Variants in DNAH6 observed in about 807,000 individuals in gnomAD.
DNAH6 encodes axonemal beta dynein heavy chain 6.
DNAH6 carries 340 observed loss-of-function variants against 491.4 expected under a neutral mutation model. That is an observed-to-expected ratio of 0.69 (90% CI 0.63 to 0.76). The LOEUF (loss-of-function observed/expected upper bound fraction) is 0.76, where lower values mean the gene tolerates loss of function less well. Among genes scored for constraint, DNAH6 ranks in the 30% least tolerant of loss-of-function variants. The pLI, the probability that DNAH6 is intolerant of heterozygous loss-of-function variation, is 0.00. For missense variants in DNAH6, 4,443 were observed against 4,972.2 expected (o/e 0.89, Z 3.20); for synonymous variants, 1,603 against 1,686.1 (o/e 0.95, Z 1.21).
intron 75 of DNAH6, 109 bp from the exon 76 acceptor site, chr2:84,815,752 T>C: frequency 2.6e-6 from 2 of 768,842 alleles, no homozygotes; most frequent in Non-Finnish European, 4.2e-6. Context: ...CAGCAATGTA[T>C]AGAGTGTTTT....
chr2:84,687,841 A>C lies in DNAH6; in HGVS notation c.7138-598A>C, dbSNP rs191810257. ...AACCCTAAATGACTGCTATTTAAAA[A>C]CTACAAATAGTTCTGGCATGATTTT... is the stretch of plus-strand genomic sequence containing the variant. On this transcript the variant is annotated intron_variant, in intron 44 of 76. Coordinates refer to ENST00000389394, the MANE Select transcript of DNAH6 (RefSeq NM_001370.2). Among the ~76,000 whole-genome samples, 152 of 152,312 alleles carry C rather than the reference A, an allele frequency of 1.0e-3. 1 individual carries two copies. Among genetic ancestry groups the C allele is most frequent in the African/African-American group, 3.5e-3 (147 of 41,560 alleles).
intron 2 of DNAH6, 101 bp from the exon 3 acceptor site, chr2:84,525,464 A>G: frequency 8.6e-7 from 1 of 1,163,268 alleles, no homozygotes; most frequent in South Asian, 1.5e-5. Context: ...TAGTCCAAGG[A>G]GATCAATTTC....
chr2:84,693,723 A>G (rs937943951), intron 45 of DNAH6, among the ~76,000 whole-genome samples: 18 of 150,604 alleles, frequency 1.2e-4, no homozygotes, highest in African/African-American at 4.5e-4. Context: ...GCAACAGAGC[A>G]AGACTCTATC....
At chr2:84,512,138 T>C (rs1270195538), upstream of DNAH6, among the ~76,000 whole-genome samples, 3 of 152,244 alleles carry the variant, frequency 2.0e-5, no homozygotes, top group Non-Finnish European at 4.4e-5. Context: ...TTCTCAATTA[T>C]TCTATTTCCT....
the DNAH6 span, among the ~76,000 whole-genome samples, chr2:84,471,577 T>G: frequency 6.6e-6 from 1 of 152,080 alleles, no homozygotes; most frequent in South Asian, 2.1e-4. Flanking sequence ...GTGACTCTGG[T>G]CGGTCCTCAT....
the DNAH6 span, among the ~76,000 whole-genome samples, chr2:84,500,978 T>C: frequency 6.6e-6 from 1 of 152,194 alleles, no homozygotes; most frequent in Non-Finnish European, 1.5e-5. Context: ...CAAAGAAGGA[T>C]AATTTGACTT....
chr2:84,653,574 A>G lies in DNAH6; in HGVS notation c.5334A>G (p.Ile1778Met). ...TAGGGAATTTACAAAAACTTGGGAT[A>G]GAAAATTCCTTTTACCAAGCAGTTA... Reference protein sequence around the residue: ...ETLGNLQKLGIENSFYQAVKT... With the variant: ...ETLGNLQKLGMENSFYQAVKT... The change falls in exon 34 of 77, where the codon ATA becomes ATG. Residue 1778 changes from isoleucine (I) to methionine (M), a missense_variant. By Grantham distance (10) the Ile-to-Met change is conservative. Coordinates refer to ENST00000389394, the MANE Select transcript of DNAH6 (RefSeq NM_001370.2). 6.4e-7 allele frequency: 1 copy of G among 1,551,380 alleles called. No individual in the cohort carries two copies. The highest frequency in any genetic ancestry group is 1.2e-5 in the South Asian group (1 of 84,062).
At chr2:84,607,746 CTCA>C (rs1467075647) in intron 21 of DNAH6, among the ~76,000 whole-genome samples, 3 of 152,178 alleles carry the variant, frequency 2.0e-5, no homozygotes, top group Non-Finnish European at 2.9e-5. Flanking sequence ...CCTTCAGTGA[CTCA>C]TCATCTTTTG....
chr2:84,471,054 T>C, the DNAH6 span, among the ~76,000 whole-genome samples: 1 of 152,146 alleles, frequency 6.6e-6, no homozygotes, highest in Non-Finnish European at 1.5e-5. Flanking sequence ...ACAATTGATC[T>C]AGGAGCCTGG....
intron 2 of DNAH6, among the ~76,000 whole-genome samples, chr2:84,520,056 T>C (rs1675998189): frequency 6.6e-6 from 1 of 152,186 alleles, no homozygotes; most frequent in South Asian, 2.1e-4. Context: ...CAAGTTGTTT[T>C]GCCAGTATTT....
chr2:84,774,367 T>C (rs1675923527), intron 64 of DNAH6, among the ~76,000 whole-genome samples: 1 of 152,168 alleles, frequency 6.6e-6, no homozygotes, highest in South Asian at 2.1e-4. Context: ...AAAGATGAGA[T>C]GACTGTAGGT....
chr2:84,551,146 T>C (rs1356341397), intron 9 of DNAH6, among the ~76,000 whole-genome samples: 1 of 152,180 alleles, frequency 6.6e-6, no homozygotes, highest in Non-Finnish European at 1.5e-5. Context: ...AATTATGCAA[T>C]ACACAACCTG....
At position 84,547,407 on chromosome 2, in the gene DNAH6, C is replaced by T; in HGVS notation, c.1065+5C>T. 2 of 1,551,630 alleles carry T rather than the reference C, an allele frequency of 1.3e-6. No homozygotes were observed. The highest frequency in any genetic ancestry group is 8.7e-7 in the Non-Finnish European group (1 of 1,146,914). Reference sequence around the variant, plus strand: ...CAAGTCATACGGCTAGCAGAGGTAACAAATTTTGTCTATAAGAATCAAAGC... The same window carrying T: ...CAAGTCATACGGCTAGCAGAGGTAATAAATTTTGTCTATAAGAATCAAAGC... On this transcript the variant is annotated splice_donor_5th_base_variant and intron_variant, in intron 6 of 76. Coordinates refer to ENST00000389394, the MANE Select transcript of DNAH6 (RefSeq NM_001370.2).
At chr2:84,689,139 T>C (rs1366941513) in intron 45 of DNAH6, among the ~76,000 whole-genome samples, 1 of 152,212 alleles carries the variant, frequency 6.6e-6, no homozygotes, top group Non-Finnish European at 1.5e-5. Flanking sequence ...AAAATGATCC[T>C]TCCAGGATAA....
At chr2:84,544,649 G>A (rs761825031) in intron 5 of DNAH6, 149 bp downstream of exon 5, 28 of 586,042 alleles carry the variant, frequency 4.8e-5, no homozygotes, top group Non-Finnish European at 1.4e-5. Context: ...TGTCATTTAG[G>A]AGTCTAGCAA....
chr2:84,604,672 C>A, intron 19 of DNAH6, 121 bp downstream of exon 19: 2 of 715,062 alleles, frequency 2.8e-6, no homozygotes, highest in Non-Finnish European at 2.3e-6. Context: ...CATTATCAGT[C>A]ATCCCTCTGT....
chr2:84,635,670 C>G (rs563128485), intron 30 of DNAH6, among the ~76,000 whole-genome samples: 1 of 152,250 alleles, frequency 6.6e-6, no homozygotes, highest in South Asian at 2.1e-4. Flanking sequence ...ACAGAGGAGA[C>G]AGGAGAGCAT....
Position 84,699,618 on chromosome 2 carries a change from G to C in DNAH6, c.7702G>C (p.Val2568Leu), listed in dbSNP as rs1260693576. Residue 2568 changes from valine (V) to leucine (L), a missense_variant, in exon 48 of 77, where the codon GTG becomes CTG. Physicochemically the swap from Val to Leu is conservative, Grantham distance 32. Around this residue, in one of 3 missense-constraint regions of DNAH6, gnomAD observed 2,977 missense variants for 3,296.6 expected, o/e 0.90. Coordinates refer to ENST00000389394, the MANE Select transcript of DNAH6 (RefSeq NM_001370.2). ...DEVFQYFISK[V>L]RQKLHIVLCM... ...GGTGTTTCAATACTTTATCAGCAAAGTGCGTCAGAAGCTGCACATTGTTCT... is the reference window on the plus strand; with the variant it reads ...GGTGTTTCAATACTTTATCAGCAAACTGCGTCAGAAGCTGCACATTGTTCT... 11 of 1,550,818 alleles carry C rather than the reference G, an allele frequency of 7.1e-6. No homozygotes were observed. Among genetic ancestry groups the C allele is most frequent in the Non-Finnish European group, 9.6e-6 (11 of 1,146,820 alleles).
upstream of DNAH6, among the ~76,000 whole-genome samples, chr2:84,511,662 G>A (rs774461103): frequency 4.6e-5 from 7 of 152,146 alleles, no homozygotes; most frequent in South Asian, 2.1e-4. Context: ...CTTCTGTATC[G>A]CTCACGCTGG....
Sources: gnomAD v4.1 joint callset for allele counts (sites outside exome capture counted in the v4.1 genomes callset) on GRCh38, gnomAD v4.1.1 for gene constraint, gnomAD v4.1.1 regional missense constraint, MANE v1.5 for transcripts, NCBI Gene and HGNC (gene_info 2026-07-23, HGNC 2026-07-21) for gene names.